ADAM12: variants seen among roughly 807,000 people sequenced by gnomAD.
The protein encoded by ADAM12 is ADAM metallopeptidase domain 12.
ADAM12 carries 70 observed loss-of-function variants against 106.4 expected under a neutral mutation model. The ratio of observed to expected loss-of-function variants is 0.66; its 90% confidence interval spans 0.54 to 0.80. The LOEUF is 0.80. Ranked by LOEUF, ADAM12 falls within the 30% of genes least tolerant of loss-of-function variation. The pLI is 0.00. For synonymous variants in ADAM12, 420 were observed against 433.5 expected (o/e 0.97, Z 0.39); for missense variants, 1,010 against 1,171.9 (o/e 0.86, Z 2.02).
chr10:126,116,005 T>C (rs1955975582), intron 6 of ADAM12, among the ~76,000 whole-genome samples: 1 of 152,252 alleles, frequency 6.6e-6, no homozygotes, highest in Non-Finnish European at 1.5e-5. Context: ...TTGACCGGCA[T>C]TGATGCCTTC....
chr10:126,044,663 TC>T (rs1954268147), intron 17 of ADAM12, among the ~76,000 whole-genome samples: 1 of 152,264 alleles, frequency 6.6e-6, no homozygotes, highest in Admixed American at 6.5e-5. Context: ...TGTAATGCTT[TC>T]CTGCTTCAAC....
intron 5 of ADAM12, among the ~76,000 whole-genome samples, chr10:126,134,280 AT>A (rs1219006305): frequency 6.6e-6 from 1 of 152,202 alleles, no homozygotes; most frequent in African/African-American, 2.4e-5. Flanking sequence ...TCACTCAATG[AT>A]TTGGGTCTGT....
intron 1 of ADAM12, among the ~76,000 whole-genome samples, chr10:126,369,010 A>G (rs1278781333): frequency 6.6e-6 from 1 of 152,212 alleles, no homozygotes; most frequent in Non-Finnish European, 1.5e-5. Flanking sequence ...GAAAATTAGC[A>G]TCCATTACAG....
chr10:126,236,522 TACTGCATGGGA>T (rs1200662736), intron 3 of ADAM12, among the ~76,000 whole-genome samples: 1 of 152,156 alleles, frequency 6.6e-6, no homozygotes. Flanking sequence ...CAGAGGTGGA[TACTGCATGGGA>T]GAGTGTGGAA....
Position 126,041,637 on chromosome 10 carries a change from C to T in ADAM12, c.2104+1403G>A. The T allele has an allele frequency of 3.0e-6, 3 of 987,638 alleles. No individual in the cohort carries two copies. The East Asian group carries it at 3.4e-4, about 112-fold the overall frequency. 61.2% of individuals were successfully genotyped at this position (987,638 alleles called of 1,614,324 possible). On this transcript the variant is annotated intron_variant, in intron 18 of 22. Coordinates refer to ENST00000448723, the MANE Select transcript of ADAM12 (RefSeq NM_001288973.2). ...GGCAGGGTCTCTGATAAATTAAAAA[C>T]TAAAACCCTGCTATTTTCATATAAT...
chr10:126,174,007 G>GTTTTT (rs1957170195), intron 3 of ADAM12, among the ~76,000 whole-genome samples: 1 of 100,540 alleles, frequency 9.9e-6, no homozygotes, highest in African/African-American at 5.1e-5. Flanking sequence ...ATCTGTTGTT[G>GTTTTT]ATTTTTTTTT....
At position 126,101,113 on chromosome 10, in the gene ADAM12, C is replaced by A; in HGVS notation, c.870G>T (p.Lys290Asn). The A allele has an allele frequency of 6.2e-7, 1 of 1,613,944 alleles. No individual in the cohort carries two copies. Among genetic ancestry groups the A allele is most frequent in the Non-Finnish European group, 8.5e-7 (1 of 1,179,914 alleles). Residue 290 changes from lysine to asparagine, a missense_variant, in exon 9 of 23, where the codon AAG becomes AAT. Around this residue, in one of 3 missense-constraint regions of ADAM12, gnomAD observed 391 missense variants for 442.9 expected, o/e 0.88. Transcript: ENST00000448723. ...LHEFLDWRKM[K>N]LLPRKSHDNA... ...TGTCATGGGATTTGCGAGGTAGAAG[C>A]TTCATCTTCCTCCAGTCCAGAAATT...
rs182457679 is a variant in ADAM12 at position 126,183,600 on chromosome 10, C to T, written c.261-28295G>A. 9.8e-5 allele frequency among the ~76,000 whole-genome samples: 15 copies of T among 152,334 alleles called. No individual in the cohort carries two copies. The East Asian group carries it at 2.1e-3, about 22-fold the overall frequency. ...ATAGCTGATAAGTCAACATGTCGTCCGCACTTCTAAAATAAAATTCTTAAT... is the reference window on the plus strand; with the variant it reads ...ATAGCTGATAAGTCAACATGTCGTCTGCACTTCTAAAATAAAATTCTTAAT... On this transcript the variant is annotated intron_variant, in intron 3 of 22. Transcript: ENST00000448723.
intron 7 of ADAM12, among the ~76,000 whole-genome samples, chr10:126,108,985 T>G (rs964462948): frequency 2.6e-5 from 4 of 152,254 alleles, no homozygotes; most frequent in African/African-American, 4.8e-5. Flanking sequence ...ATTTTTCATA[T>G]CATCAACTTG....
chr10:126,278,313 T>G (rs1218293884), intron 3 of ADAM12, among the ~76,000 whole-genome samples: 1 of 152,108 alleles, frequency 6.6e-6, no homozygotes, highest in Non-Finnish European at 1.5e-5. Flanking sequence ...TTGTTTGTCT[T>G]ACGGTTGGAG....
intron 5 of ADAM12, among the ~76,000 whole-genome samples, chr10:126,121,870 T>C (rs569829886): frequency 1.3e-5 from 2 of 152,264 alleles, no homozygotes; most frequent in African/African-American, 4.8e-5. Context: ...GTCAAGTATC[T>C]ATTTTGAACA....
chr10:126,021,655 A>ATTGT (rs3067332), intron 21 of ADAM12, among the ~76,000 whole-genome samples: 87,357 of 151,456 alleles, frequency 0.58, 26,758 homozygotes, highest in Non-Finnish European at 0.68. Flanking sequence ...AAGAGCACGG[A>ATTGT]TTGTTTATAT....
At chr10:126,090,246 G>A (rs1386770647) in intron 11 of ADAM12, among the ~76,000 whole-genome samples, 1 of 145,420 alleles carries the variant, frequency 6.9e-6, no homozygotes, top group Admixed American at 7.1e-5. Flanking sequence ...ATGACTTGCA[G>A]ATTCACCTAC....
intron 4 of ADAM12, among the ~76,000 whole-genome samples, chr10:126,136,907 A>T (rs1956415628): frequency 6.6e-6 from 1 of 152,134 alleles, no homozygotes; most frequent in East Asian, 1.9e-4. Context: ...TTACATGGGA[A>T]ATGTCTTTTA....
intron 3 of ADAM12, among the ~76,000 whole-genome samples, chr10:126,171,184 T>C (rs1376056126): frequency 6.6e-6 from 1 of 152,224 alleles, no homozygotes; most frequent in East Asian, 1.9e-4. Flanking sequence ...CATAAGCGCT[T>C]AAATAGTTTA....
chr10:126,177,236 T>A (rs556786483), intron 3 of ADAM12, among the ~76,000 whole-genome samples: 2 of 150,468 alleles, frequency 1.3e-5, no homozygotes, highest in East Asian at 3.9e-4. Context: ...AAATAGAAGA[T>A]AACATTAGAT....
chr10:126,140,949 T>A (rs921218068), intron 4 of ADAM12, among the ~76,000 whole-genome samples: 3 of 152,198 alleles, frequency 2.0e-5, no homozygotes, highest in Non-Finnish European at 2.9e-5. Context: ...ACAGGCTACA[T>A]CACCGCTAGT....
chr10:126,106,442 C>T (rs1054111595), intron 8 of ADAM12, among the ~76,000 whole-genome samples: 1 of 151,976 alleles, frequency 6.6e-6, no homozygotes, highest in Non-Finnish European at 1.5e-5. Flanking sequence ...ACTTCCCCTG[C>T]CCTGGGTCAG....
intron 3 of ADAM12, among the ~76,000 whole-genome samples, chr10:126,223,785 A>G (rs557457698): frequency 7.1e-4 from 108 of 152,348 alleles, no homozygotes; most frequent in African/African-American, 2.5e-3. Flanking sequence ...CAGCAGCAAC[A>G]CTCCAGTTGC....
Sources: allele counts gnomAD v4.1 joint callset (sites outside exome capture counted in the v4.1 genomes callset), GRCh38; gene constraint gnomAD v4.1.1; regional missense constraint gnomAD v4.1.1; transcripts MANE v1.5; gene names NCBI Gene and HGNC (gene_info 2026-07-23, HGNC 2026-07-21).